The following ZMAT4 variants were observed in gnomAD, a reference collection of about 807,000 sequenced individuals.
ZMAT4 encodes the protein zinc finger matrin-type protein 4.
A neutral mutation model predicts 28.7 loss-of-function variants in ZMAT4; 17 were observed. That is an observed-to-expected ratio of 0.59 (90% CI 0.41 to 0.89). The LOEUF (loss-of-function observed/expected upper bound fraction) is 0.89, where lower values mean the gene tolerates loss of function less well. Among genes scored for constraint, ZMAT4 ranks in the 40% least tolerant of loss-of-function variants. ZMAT4 has a pLI of 0.00. For missense variants in ZMAT4, 240 were observed against 283.8 expected, an observed-to-expected ratio of 0.85 and a Z score of 1.11; for synonymous variants, 117 against 109.2, an observed-to-expected ratio of 1.07 and a Z score of -0.44.
At chr8:40,831,840 G>A (rs1279017605) in intron 1 of ZMAT4, among the ~76,000 whole-genome samples, 1 of 152,174 alleles carries the variant, frequency 6.6e-6, no homozygotes, top group African/African-American at 2.4e-5. Context: ...CTGGCCCCTT[G>A]TGAGAGCTCC....
chr8:40,811,932 A>G (rs1226218177), intron 2 of ZMAT4, among the ~76,000 whole-genome samples: 1 of 152,086 alleles, frequency 6.6e-6, no homozygotes, highest in Non-Finnish European at 1.5e-5. Context: ...GGAGTTCGAG[A>G]CCAGCCTGGT....
intron 3 of ZMAT4, among the ~76,000 whole-genome samples, chr8:40,744,917 A>G (rs1046443817): frequency 1.1e-4 from 16 of 152,222 alleles, no homozygotes; most frequent in South Asian, 8.3e-4. Context: ...GCAAAGATGT[A>G]TAGAGAGGAT....
At chr8:40,818,661 T>C (rs1815635571) in intron 2 of ZMAT4, among the ~76,000 whole-genome samples, 1 of 152,212 alleles carries the variant, frequency 6.6e-6, no homozygotes, top group Admixed American at 6.5e-5. Context: ...TTGCATCTCC[T>C]TGAACACTTC....
At chr8:40,607,994 C>A (rs79088886) in intron 5 of ZMAT4, among the ~76,000 whole-genome samples, 4,006 of 151,696 alleles carry the variant, frequency 0.026, 88 homozygotes, top group Admixed American at 0.037. Context: ...ATGTGTTGGT[C>A]TTATGTTGGT....
At chr8:40,569,794 A>G (rs1804034816) in intron 6 of ZMAT4, among the ~76,000 whole-genome samples, 3 of 152,198 alleles carry the variant, frequency 2.0e-5, no homozygotes, top group Admixed American at 2.0e-4. Flanking sequence ...GCCTAGCTGG[A>G]CCCAACTGCA....
At chr8:40,796,659 G>T (rs923634012) in intron 2 of ZMAT4, among the ~76,000 whole-genome samples, 1 of 152,124 alleles carries the variant, frequency 6.6e-6, no homozygotes, top group Non-Finnish European at 1.5e-5. Context: ...CCCCGGCTCC[G>T]CCCCGCACAG....
At chr8:40,609,754 G>A (rs938286792) in intron 5 of ZMAT4, among the ~76,000 whole-genome samples, 3 of 151,934 alleles carry the variant, frequency 2.0e-5, no homozygotes, top group African/African-American at 7.3e-5. Flanking sequence ...GCTCTTTGCT[G>A]TATCACTGCT....
intron 3 of ZMAT4, among the ~76,000 whole-genome samples, chr8:40,712,490 C>T (rs1246184251): frequency 6.6e-6 from 1 of 152,198 alleles, no homozygotes; most frequent in East Asian, 1.9e-4. Context: ...CACATGCTAT[C>T]ACATCAATAA....
At chr8:40,803,601 G>A (rs1272986020) in intron 2 of ZMAT4, among the ~76,000 whole-genome samples, 1 of 152,172 alleles carries the variant, frequency 6.6e-6, no homozygotes, top group Non-Finnish European at 1.5e-5. Context: ...TGGATGTGGA[G>A]CATCAGGAGC....
chr8:40,727,857 T>C (rs1341913540), intron 3 of ZMAT4, among the ~76,000 whole-genome samples: 2 of 152,200 alleles, frequency 1.3e-5, no homozygotes, highest in Non-Finnish European at 2.9e-5. Flanking sequence ...AAACCATTAT[T>C]AATTCAAAAC....
chr8:40,722,802 G>T (rs1811157485), intron 3 of ZMAT4, among the ~76,000 whole-genome samples: 3 of 152,186 alleles, frequency 2.0e-5, no homozygotes, highest in Admixed American at 2.0e-4. Context: ...GAAGGAGACA[G>T]AGGTGGAATC....
chr8:40,589,778 C>CTTTCTTTCTTTTTCTTTCTTTCTTTT (rs1284552799), intron 5 of ZMAT4, among the ~76,000 whole-genome samples: 1 of 37,312 alleles, frequency 2.7e-5, no homozygotes, highest in Non-Finnish European at 6.6e-5. Context: ...TTCTTTCTTT[C>CTTTCTTTCTTTTTCTTTCTTTCTTTT]CTTTCTTTCT....
At chr8:40,605,483 A>G (rs1322139461) in intron 5 of ZMAT4, among the ~76,000 whole-genome samples, 1 of 152,104 alleles carries the variant, frequency 6.6e-6, no homozygotes, top group Non-Finnish European at 1.5e-5. Context: ...ATGTATTTGT[A>G]TGGTTTTGAG....
chr8:40,581,412 C>T (rs1371119725), intron 5 of ZMAT4, 151 bp from the exon 6 acceptor site: 2 of 550,278 alleles, frequency 3.6e-6, no homozygotes, highest in African/African-American at 3.7e-5. Flanking sequence ...AGAGCACAGC[C>T]AACAGGTCTC....
At chr8:40,737,204 ATTTTTTTTGCGAT>A (rs1811803980) in intron 3 of ZMAT4, among the ~76,000 whole-genome samples, 1 of 76,252 alleles carries the variant, frequency 1.3e-5, no homozygotes, top group Non-Finnish European at 3.6e-5. Context: ...ACATTATGAG[ATTTTTTTTGCGAT>A]TTTTTTTTTT....
chr8:40,621,181 G>A (rs986715553), intron 5 of ZMAT4, among the ~76,000 whole-genome samples: 4 of 152,132 alleles, frequency 2.6e-5, no homozygotes, highest in Non-Finnish European at 5.9e-5. Flanking sequence ...GATCATCTCG[G>A]GAAAGTTACT....
chr8:40,604,671 C>T (rs1805518959), intron 5 of ZMAT4, among the ~76,000 whole-genome samples: 1 of 151,942 alleles, frequency 6.6e-6, no homozygotes, highest in Admixed American at 6.6e-5. Flanking sequence ...AGATATTAAT[C>T]CGTAGTTTTT....
chr8:40,786,447 A>ACTTTCATTCATT (rs1814087779), intron 2 of ZMAT4, among the ~76,000 whole-genome samples: 1 of 151,454 alleles, frequency 6.6e-6, no homozygotes, highest in Admixed American at 6.6e-5. Flanking sequence ...GAAGTACATG[A>ACTTTCATTCATT]CATTCATTCA....
At chr8:40,664,674 C>T (rs980402846) in intron 5 of ZMAT4, among the ~76,000 whole-genome samples, 1 of 152,214 alleles carries the variant, frequency 6.6e-6, no homozygotes, top group African/African-American at 2.4e-5. Context: ...AGCCAAGCCA[C>T]TCCCAAATCC....
Sources: allele counts gnomAD v4.1 joint callset (sites outside exome capture counted in the v4.1 genomes callset), GRCh38; gene constraint gnomAD v4.1.1; transcripts MANE v1.5; gene names NCBI Gene and HGNC (gene_info 2026-07-23, HGNC 2026-07-21).